Variants in NELL2 observed in about 807,000 individuals in gnomAD.
NELL2 encodes neural EGFL like 2.
NELL2 carries 41 observed loss-of-function variants against 109.6 expected under a neutral mutation model. That is an observed-to-expected ratio of 0.37 (90% CI 0.29 to 0.49). NELL2 has a LOEUF of 0.49. NELL2 is among the 20% of genes least tolerant of loss of function. The pLI is 0.98. For missense variants in NELL2, 900 were observed against 1,008.3 expected (o/e 0.89, Z 1.45); for synonymous variants, 355 against 344.7 (o/e 1.03, Z -0.33).
chr12:44,847,553 C>T (rs1365404055), intron 2 of NELL2, among the ~76,000 whole-genome samples: 5 of 94,134 alleles, frequency 5.3e-5, no homozygotes, highest in Non-Finnish European at 1.0e-4. Flanking sequence ...TGGCTAAGTA[C>T]AGAAGAAATG....
chr12:44,773,273 A>C lies in NELL2; in HGVS notation c.994+1474T>G, dbSNP rs567078738. ...GGCGGATCACGAGGTCAGGAGATCG[A>C]GACCATCCTGGCTAACAGGGTGAAA... On this transcript the variant is annotated intron_variant, in intron 9 of 19. Transcript: ENST00000429094. Among the ~76,000 whole-genome samples the C allele has an allele frequency of 7.1e-4, 108 of 152,294 alleles. 1 individual carries two copies. The highest frequency in any genetic ancestry group is 1.5e-4 in the Non-Finnish European group (10 of 68,020).
At chr12:44,850,713 A>C (rs1412589711) in intron 2 of NELL2, among the ~76,000 whole-genome samples, 1 of 152,200 alleles carries the variant, frequency 6.6e-6, no homozygotes, top group South Asian at 2.1e-4. Flanking sequence ...TGCCAAACTG[A>C]AATACAGAAA....
At chr12:44,765,163 T>G (rs910732912) in intron 9 of NELL2, among the ~76,000 whole-genome samples, 2 of 152,236 alleles carry the variant, frequency 1.3e-5, no homozygotes, top group Admixed American at 6.5e-5. Flanking sequence ...ACCAATGTTA[T>G]GAATCATTGA....
intron 12 of NELL2, among the ~76,000 whole-genome samples, chr12:44,680,374 C>T (rs1948457117): frequency 6.6e-6 from 1 of 152,102 alleles, no homozygotes; most frequent in Non-Finnish European, 1.5e-5. Context: ...ATTTAAGTCC[C>T]ATTTCTCCAC....
intron 15 of NELL2, among the ~76,000 whole-genome samples, chr12:44,554,530 T>A (rs1362994464): frequency 6.6e-6 from 1 of 152,192 alleles, no homozygotes; most frequent in Non-Finnish European, 1.5e-5. Flanking sequence ...CTAGTTTGAT[T>A]GTGATGATGA....
intron 3 of NELL2, among the ~76,000 whole-genome samples, chr12:44,810,049 C>A (rs1469209135): frequency 2.0e-5 from 3 of 152,018 alleles, no homozygotes. Flanking sequence ...GGATTAGGCA[C>A]CCTGCATCAA....
At chr12:44,845,453 TTAAA>T (rs1944343456) in intron 2 of NELL2, among the ~76,000 whole-genome samples, 1 of 152,140 alleles carries the variant, frequency 6.6e-6, no homozygotes, top group Non-Finnish European at 1.5e-5. Context: ...AGTATCAAAA[TTAAA>T]TAAAATTCTA....
chr12:44,656,228 ATCTAAC>A (rs1168006673), intron 13 of NELL2, among the ~76,000 whole-genome samples: 31 of 152,302 alleles, frequency 2.0e-4, no homozygotes, highest in Middle Eastern at 6.8e-3. Context: ...GGGTATCACA[ATCTAAC>A]ATTCATTCTG....
chr12:44,522,222 C>G, intron 17 of NELL2, 46 bp from the exon 18 acceptor site: 1 of 1,553,532 alleles, frequency 6.4e-7, no homozygotes, highest in East Asian at 2.3e-5. Flanking sequence ...CTCCATTTCT[C>G]AGTAACACGC....
At chr12:44,788,625 C>T (rs1392891601) in intron 3 of NELL2, among the ~76,000 whole-genome samples, 1 of 152,164 alleles carries the variant, frequency 6.6e-6, no homozygotes, top group Non-Finnish European at 1.5e-5. Context: ...TCCAGCTGAA[C>T]TTTGTAACAA....
At chr12:44,710,020 C>T (rs976599153) in intron 11 of NELL2, among the ~76,000 whole-genome samples, 9 of 152,316 alleles carry the variant, frequency 5.9e-5, no homozygotes, top group African/African-American at 1.9e-4. Context: ...ACCCTGAAAG[C>T]TCCTCGAAAG....
chr12:44,520,414 A>T (rs575588265), intron 18 of NELL2, among the ~76,000 whole-genome samples, 185 bp from the exon 19 acceptor site: 84 of 152,346 alleles, frequency 5.5e-4, no homozygotes, highest in African/African-American at 1.9e-3. Flanking sequence ...TATCAGAATG[A>T]TGAATTCTGT....
intron 15 of NELL2, among the ~76,000 whole-genome samples, chr12:44,535,636 C>A (rs1377160681): frequency 6.6e-6 from 1 of 151,746 alleles, no homozygotes; most frequent in African/African-American, 2.4e-5. Context: ...TGATAATGGG[C>A]AGATATTTTA....
chr12:44,764,225 A>G (rs921965508), intron 9 of NELL2, among the ~76,000 whole-genome samples: 29 of 152,334 alleles, frequency 1.9e-4, no homozygotes, highest in Admixed American at 4.6e-4. Flanking sequence ...ATTTTAACTC[A>G]GTGTGTTTTC....
chr12:44,910,811 T>C (rs577136631), intron 1 of NELL2, among the ~76,000 whole-genome samples: 1 of 152,134 alleles, frequency 6.6e-6, no homozygotes, highest in African/African-American at 2.4e-5. Context: ...CGCAGCAATA[T>C]GGATGCAGCT....
At chr12:44,571,839 G>C (rs555992986) in intron 15 of NELL2, among the ~76,000 whole-genome samples, 1 of 152,164 alleles carries the variant, frequency 6.6e-6, no homozygotes, top group South Asian at 2.1e-4. Context: ...TTCTAAAACA[G>C]CTTCTAAGTT....
chr12:44,739,464 C>G (rs1418721979), intron 9 of NELL2, among the ~76,000 whole-genome samples: 1 of 152,216 alleles, frequency 6.6e-6, no homozygotes, highest in Non-Finnish European at 1.5e-5. Context: ...GAAGCCAAAT[C>G]TATCCACCAC....
intron 1 of NELL2, among the ~76,000 whole-genome samples, chr12:44,899,818 A>T (rs1945639137): frequency 6.6e-6 from 1 of 152,190 alleles, no homozygotes; most frequent in African/African-American, 2.4e-5. Context: ...CAGACTGGCA[A>T]ATTGGATAAA....
intron 16 of NELL2, among the ~76,000 whole-genome samples, chr12:44,524,435 GA>G: frequency 6.6e-6 from 1 of 152,318 alleles, no homozygotes; most frequent in East Asian, 1.9e-4. Context: ...AAGAAAGAAA[GA>G]ATTAAATCAT....
Sources: allele counts gnomAD v4.1 joint callset (sites outside exome capture counted in the v4.1 genomes callset), GRCh38; gene constraint gnomAD v4.1.1; transcripts MANE v1.5; gene names NCBI Gene and HGNC (gene_info 2026-07-23, HGNC 2026-07-21).